Variants in DOK6 observed in about 807,000 individuals in gnomAD.
The protein encoded by DOK6 is downstream of tyrosine kinase 6.
A neutral mutation model predicts 44.0 loss-of-function variants in DOK6; 22 were observed. That is an observed-to-expected ratio of 0.50 (90% CI 0.36 to 0.71). The LOEUF (loss-of-function observed/expected upper bound fraction) is 0.71, where lower values mean the gene tolerates loss of function less well. DOK6 is among the 30% of genes least tolerant of loss of function. The pLI is 0.00. For synonymous variants in DOK6, 166 were observed against 145.5 expected, an observed-to-expected ratio of 1.14 and a Z score of -1.01; for missense variants, 340 against 416.4, an observed-to-expected ratio of 0.82 and a Z score of 1.60.
intron 3 of DOK6, among the ~76,000 whole-genome samples, chr18:69,603,950 G>T (rs570416098): frequency 2.6e-5 from 4 of 152,116 alleles, no homozygotes; most frequent in African/African-American, 7.2e-5. Context: ...AAAGAAATAG[G>T]ATCATAATTT....
intron 7 of DOK6, among the ~76,000 whole-genome samples, chr18:69,799,611 ACT>A (rs1980844585): frequency 6.6e-6 from 1 of 152,012 alleles, no homozygotes; most frequent in African/African-American, 2.4e-5. Context: ...AAGTCAGTAA[ACT>A]CTATAAAGAA....
intron 7 of DOK6, among the ~76,000 whole-genome samples, chr18:69,774,135 T>TAG (rs556045482): frequency 6.1e-5 from 7 of 114,954 alleles, no homozygotes; most frequent in Admixed American, 9.1e-5. Flanking sequence ...ATATATGAGA[T>TAG]ATATATATAT....
chr18:69,564,561 T>C lies in DOK6; in HGVS notation c.141T>C (p.Asp47=), dbSNP rs1476616500. 6.2e-7 allele frequency: 1 copy of C among 1,613,854 alleles called. No individual in the cohort carries two copies. The highest frequency in any genetic ancestry group is 1.7e-5 in the Admixed American group (1 of 59,992). The part of the protein sequence containing the change: ...KGPRRLEKFP[D]EKAAYFRNFH... ...CCAGAAGGTTAGAAAAATTTCCAGA[T>C]GAAAAGGCAGCTTATTTCAGAAACT... is the stretch of plus-strand genomic sequence containing the variant. The change falls in exon 2 of 8, where the codon GAT becomes GAC. Residue 47 remains aspartate, a synonymous_variant. Transcript: ENST00000382713.
At chr18:69,528,589 T>C (rs1981900130) in intron 1 of DOK6, among the ~76,000 whole-genome samples, 1 of 152,228 alleles carries the variant, frequency 6.6e-6, no homozygotes, top group African/African-American at 2.4e-5. Flanking sequence ...CCAATTTGTA[T>C]GGTGCCAGGG....
At chr18:69,475,157 A>G (rs903772485) in intron 1 of DOK6, among the ~76,000 whole-genome samples, 2 of 152,218 alleles carry the variant, frequency 1.3e-5, no homozygotes. Flanking sequence ...CAACTGTAGC[A>G]CAACAGAATA....
At chr18:69,799,893 C>T (rs1980852355) in intron 7 of DOK6, among the ~76,000 whole-genome samples, 1 of 152,030 alleles carries the variant, frequency 6.6e-6, no homozygotes, top group Non-Finnish European at 1.5e-5. Context: ...CTTGATTCTC[C>T]AAGCCATTTG....
At chr18:69,493,422 C>T (rs1238035206) in intron 1 of DOK6, among the ~76,000 whole-genome samples, 2 of 152,096 alleles carry the variant, frequency 1.3e-5, no homozygotes, top group Admixed American at 6.6e-5. Context: ...ACTAGCATTG[C>T]CTGAAAACTT....
chr18:69,511,344 G>C (rs1390931285), intron 1 of DOK6, among the ~76,000 whole-genome samples: 1 of 152,132 alleles, frequency 6.6e-6, no homozygotes, highest in Non-Finnish European at 1.5e-5. Flanking sequence ...TTTAGAGAGA[G>C]AGCTGTAGTC....
At chr18:69,739,190 T>G in intron 6 of DOK6, 87 bp downstream of exon 6, 4 of 1,550,750 alleles carry the variant, frequency 2.6e-6, no homozygotes, top group Non-Finnish European at 3.5e-6. Context: ...GGGCCATTCA[T>G]GTCAGCGCCT....
At chr18:69,768,954 C>CGTGTGTGTGTGTGTGTGT (rs61202412) in intron 7 of DOK6, among the ~76,000 whole-genome samples, 19,822 of 142,494 alleles carry the variant, frequency 0.14, 1,734 homozygotes, top group South Asian at 0.2. Flanking sequence ...GAAGGGTGTG[C>CGTGTGTGTGTGTGTGTGT]GTGTGTGTGT....
intron 7 of DOK6, among the ~76,000 whole-genome samples, chr18:69,766,690 G>A (rs117065104): frequency 6.6e-6 from 1 of 152,152 alleles, no homozygotes; most frequent in Middle Eastern, 3.4e-3. Flanking sequence ...AAGAGGAGAG[G>A]CTGGTCTTGC....
At chr18:69,478,783 A>G (rs1394423717) in intron 1 of DOK6, among the ~76,000 whole-genome samples, 1 of 152,156 alleles carries the variant, frequency 6.6e-6, no homozygotes, top group Non-Finnish European at 1.5e-5. Context: ...ATATTGGTAC[A>G]TTACTGTTAA....
intron 7 of DOK6, among the ~76,000 whole-genome samples, chr18:69,831,550 C>T (rs1414569686): frequency 6.6e-6 from 1 of 152,180 alleles, no homozygotes; most frequent in Non-Finnish European, 1.5e-5. Flanking sequence ...AATACATGCT[C>T]AATGAACAGT....
chr18:69,462,532 G>A (rs1440014664), intron 1 of DOK6, among the ~76,000 whole-genome samples: 1 of 152,068 alleles, frequency 6.6e-6, no homozygotes, highest in Non-Finnish European at 1.5e-5. Context: ...AATTCTAAAT[G>A]TCATGGGTAT....
intron 1 of DOK6, among the ~76,000 whole-genome samples, chr18:69,534,210 T>C (rs1234356041): frequency 6.6e-6 from 1 of 152,202 alleles, no homozygotes; most frequent in Non-Finnish European, 1.5e-5. Context: ...CTATGCTATA[T>C]GTGTCTCATA....
chr18:69,494,029 A>G (rs1980810281), intron 1 of DOK6, among the ~76,000 whole-genome samples: 1 of 152,256 alleles, frequency 6.6e-6, no homozygotes, highest in Non-Finnish European at 1.5e-5. Flanking sequence ...TTAAAGTTCT[A>G]CATACAATGA....
intron 1 of DOK6, among the ~76,000 whole-genome samples, chr18:69,461,490 T>C (rs1979786220): frequency 6.6e-6 from 1 of 152,186 alleles, no homozygotes; most frequent in Admixed American, 6.5e-5. Flanking sequence ...ATTCATCTCA[T>C]CTGCTTACGG....
chr18:69,691,232 A>AAATAAAT (rs1568334734), intron 4 of DOK6, among the ~76,000 whole-genome samples: 6 of 138,766 alleles, frequency 4.3e-5, no homozygotes, highest in African/African-American at 1.4e-4. Context: ...AATAAATAAA[A>AAATAAAT]ATATAGAATT....
At chr18:69,533,916 G>T (rs983096152) in intron 1 of DOK6, among the ~76,000 whole-genome samples, 2 of 151,984 alleles carry the variant, frequency 1.3e-5, no homozygotes, top group African/African-American at 2.4e-5. Flanking sequence ...TCTTTAGATA[G>T]AGATAGATAG....
Sources: allele counts gnomAD v4.1 joint callset (sites outside exome capture counted in the v4.1 genomes callset), GRCh38; gene constraint gnomAD v4.1.1; transcripts MANE v1.5; gene names NCBI Gene and HGNC (gene_info 2026-07-23, HGNC 2026-07-21).